ART4: variants seen among roughly 807,000 people sequenced by gnomAD.
ART4 encodes the protein ecto-ADP-ribosyltransferase 4.
A neutral mutation model predicts 24.2 loss-of-function variants in ART4; 14 were observed. That is an observed-to-expected ratio of 0.58 (90% CI 0.38 to 0.90). The LOEUF (loss-of-function observed/expected upper bound fraction) is 0.90, where lower values mean the gene tolerates loss of function less well. ART4 is among the 40% of genes least tolerant of loss of function. The pLI is 0.00. For missense variants in ART4, 356 were observed against 366.6 expected (o/e 0.97, Z 0.24); for synonymous variants, 145 against 139.9 (o/e 1.04, Z -0.26).
chr12:14,830,364 T>TTTCA (rs1443595809), intron 2 of ART4, among the ~76,000 whole-genome samples: 1 of 151,698 alleles, frequency 6.6e-6, no homozygotes, highest in Non-Finnish European at 1.5e-5. Flanking sequence ...TGCAGCCAGT[T>TTTCA]TTCACTATTG....
At chr12:14,829,896 C>T (rs1950382686) in intron 2 of ART4, among the ~76,000 whole-genome samples, 3 of 152,132 alleles carry the variant, frequency 2.0e-5, no homozygotes, top group Non-Finnish European at 4.4e-5. Flanking sequence ...GATTTTTATT[C>T]TCAATATCCT....
At position 14,829,351 on chromosome 12, in the gene ART4, A is replaced by G; in HGVS notation, c.*20T>C. 6.8e-7 allele frequency: 1 copy of G among 1,473,664 alleles called. No homozygotes were observed. The highest frequency in any genetic ancestry group is 9.1e-7 in the Non-Finnish European group (1 of 1,099,804). 91.3% of individuals were successfully genotyped at this position (1,473,664 alleles called of 1,614,324 possible). The stretch of plus-strand genomic sequence containing the variant: ...TTTATTTAAATATTTTTTTTAAATA[A>G]AAGGAGCCACAAGATTTCTTTATAC... On this transcript the variant is annotated 3_prime_UTR_variant, in exon 3 of 3. Transcript: ENST00000228936.
At chr12:14,841,203 A>G (rs757382784) in intron 1 of ART4, 50 bp from the exon 2 acceptor site, 2 of 1,515,678 alleles carry the variant, frequency 1.3e-6, no homozygotes, top group Non-Finnish European at 1.8e-6. Flanking sequence ...CAGATGGTGA[A>G]TGTGGTTGCA....
intron 2 of ART4, among the ~76,000 whole-genome samples, chr12:14,830,491 C>G (rs1223889271): frequency 6.9e-6 from 1 of 145,728 alleles, no homozygotes; most frequent in Non-Finnish European, 1.5e-5. Context: ...CTACTATTTT[C>G]ACACAATATA....
intron 2 of ART4, among the ~76,000 whole-genome samples, chr12:14,830,689 A>ATATG (rs1555088844): frequency 1.7e-5 from 2 of 115,230 alleles, no homozygotes; most frequent in Non-Finnish European, 3.6e-5. Context: ...ATATATATAT[A>ATATG]TATATATATA....
Position 14,841,083 on chromosome 12 carries a change from T to G in ART4, c.215A>C (p.Gln72Pro). 1 of 1,614,204 alleles carries G rather than the reference T, an allele frequency of 6.2e-7. No individual in the cohort carries two copies. Among genetic ancestry groups the G allele is most frequent in the Non-Finnish European group, 8.5e-7 (1 of 1,180,012 alleles). Reference sequence around the variant, plus strand: ...CCCTTGAGTTAGTTTCTCCATAACCTGTTTGCTACAGCCTTGGTACTGATC... The same window carrying G: ...CCCTTGAGTTAGTTTCTCCATAACCGGTTTGCTACAGCCTTGGTACTGATC... ...FDDQYQGCSKQVMEKLTQGDY... is the reference protein window; with the variant it reads ...FDDQYQGCSKPVMEKLTQGDY... Residue 72 changes from glutamine (Q) to proline (P), a missense_variant, in exon 2 of 3, where the codon CAG becomes CCG. Transcript: ENST00000228936.
chr12:14,829,423 G>A lies in ART4; in HGVS notation c.893C>T (p.Ala298Val), dbSNP rs775948931. 6.2e-7 allele frequency: 1 copy of A among 1,609,870 alleles called. No homozygotes were observed. Among genetic ancestry groups the A allele is most frequent in the Non-Finnish European group, 8.5e-7 (1 of 1,178,548 alleles). ...KKCIPDPIAI[A>V]SLSFLTSVII... is the part of the protein sequence containing the mutation. ...GACACTGGTCAAAAAGGAGAGAGAT[G>A]CAATAGCTATAGGATCAGGGATGCA... Residue 298 changes from alanine (A) to valine (V), a missense_variant, in exon 3 of 3, where the codon GCA (alanine) becomes GTA (valine). Physicochemically the swap from Ala to Val is moderately conservative, Grantham distance 64. Transcript: ENST00000228936.
At position 14,825,730 on chromosome 12, in the gene ART4, T is replaced by C. The variant is rs1450455110; in HGVS notation, c.*3641A>G. On this transcript the variant is annotated 3_prime_UTR_variant, in exon 3 of 3. Transcript: ENST00000228936. The stretch of plus-strand genomic sequence containing the variant: ...AGACAACTCAGTACAAGAATCCTGA[T>C]TCTTCTAGCAAAACAAACTTTACTG... 1 of 152,216 alleles carries C rather than the reference T, an allele frequency of 6.6e-6. No individual in the cohort carries two copies. Among genetic ancestry groups the C allele is most frequent in the African/African-American group, 2.4e-5 (1 of 41,450 alleles). 9.4% of individuals were successfully genotyped at this position (152,216 alleles called of 1,614,324 possible).
At position 14,841,155 on chromosome 12, in the gene ART4, T is replaced by C. The variant is rs587777831; in HGVS notation, c.145-2A>G. ...GTCGAAGTCGATTTTAATTGCAACC[T>C]GTAAAAAAAGAAAAATCTTGAGTTT... On this transcript the variant is annotated splice_acceptor_variant, in intron 1 of 2. Coordinates refer to ENST00000228936, the MANE Select transcript of ART4 (RefSeq NM_021071.4). LOFTEE classifies it high-confidence loss of function. 3 of 1,566,934 alleles carry C rather than the reference T, an allele frequency of 1.9e-6. No individual in the cohort carries two copies. The highest frequency in any genetic ancestry group is 2.2e-5 in the East Asian group (1 of 44,582).
Position 14,843,361 on chromosome 12 carries a change from A to G in ART4, c.-248T>C. 2.6e-6 allele frequency: 1 copy of G among 385,254 alleles called. No individual in the cohort carries two copies. The allele number at this position is 385,254 out of a possible 1,614,324, so 23.9% of individuals were successfully genotyped here. On this transcript the variant is annotated 5_prime_UTR_variant, in exon 1 of 3. Coordinates refer to ENST00000228936, the MANE Select transcript of ART4 (RefSeq NM_021071.4). ...TGCGCACACCAAATAAGGGTTTCTA[A>G]AGAGAACCCAAGTTACTTTTCAATT...
intron 2 of ART4, among the ~76,000 whole-genome samples, chr12:14,838,998 T>C (rs1204603370): frequency 6.6e-6 from 1 of 151,590 alleles, no homozygotes; most frequent in African/African-American, 2.4e-5. Context: ...CAATCAGCCA[T>C]GTTTTTCTTA....
intron 2 of ART4, among the ~76,000 whole-genome samples, chr12:14,839,348 G>C (rs778030279): frequency 9.2e-5 from 14 of 152,118 alleles, no homozygotes; most frequent in Non-Finnish European, 1.6e-4. Context: ...TGAAATCCTT[G>C]TGATTAACAT....
intron 2 of ART4, among the ~76,000 whole-genome samples, chr12:14,830,654 T>C: frequency 5.3e-5 from 1 of 19,018 alleles, no homozygotes; most frequent in East Asian, 1.1e-3. Context: ...TGTATGTATA[T>C]ATATATATAT....
chr12:14,833,741 A>G (rs564678032), intron 2 of ART4, among the ~76,000 whole-genome samples: 3 of 152,312 alleles, frequency 2.0e-5, no homozygotes, highest in South Asian at 4.1e-4. Flanking sequence ...TCAGAAGTAA[A>G]TAGTCCTTAA....
chr12:14,842,822 C>T, intron 1 of ART4, 148 bp downstream of exon 1: 1 of 1,011,306 alleles, frequency 9.9e-7, no homozygotes, highest in South Asian at 2.0e-5. Flanking sequence ...CTGTTTTCAA[C>T]ACTCTTTACT....
intron 2 of ART4, among the ~76,000 whole-genome samples, chr12:14,835,089 G>C (rs1385227360): frequency 1.3e-5 from 2 of 152,200 alleles, no homozygotes; most frequent in Non-Finnish European, 2.9e-5. Context: ...TATCACGTCT[G>C]TCAGATTGAG....
At position 14,829,435 on chromosome 12, in the gene ART4, G is replaced by A. The variant is rs1950379534; in HGVS notation, c.881C>T (p.Pro294Leu). The A allele has an allele frequency of 1.9e-6, 3 of 1,608,608 alleles. No homozygotes were observed. Among genetic ancestry groups the A allele is most frequent in the Admixed American group, 1.7e-5 (1 of 58,640 alleles). The change falls in exon 3 of 3, where the codon CCT (proline) becomes CTT (leucine). Residue 294 changes from proline to leucine, a missense_variant. Transcript: ENST00000228936. ...AAAGGAGAGAGATGCAATAGCTATA[G>A]GATCAGGGATGCATTTCTTGCTGGA... ...KASSKKCIPD[P>L]IAIASLSFLT...
At chr12:14,841,326 G>T in intron 1 of ART4, 173 bp from the exon 2 acceptor site, 1 of 559,780 alleles carries the variant, frequency 1.8e-6, no homozygotes, top group South Asian at 3.3e-5. Flanking sequence ...AATGACCTGT[G>T]CTAGAGATTG....
rs1950374890 is a variant in ART4 at position 14,828,796 on chromosome 12, C to G, written c.*575G>C. 6.6e-6 allele frequency: 1 copy of G among 152,224 alleles called. No individual in the cohort carries two copies. Among genetic ancestry groups the G allele is most frequent in the Non-Finnish European group, 1.5e-5 (1 of 68,072 alleles). The allele number at this position is 152,224 out of a possible 1,614,324, so 9.4% of individuals were successfully genotyped here. ...TTGGATCCAGAGGCTTATACATTCT[C>G]ATCAGGTCTCAGTTTCTTTTCACTT... On this transcript the variant is annotated 3_prime_UTR_variant, in exon 3 of 3. Transcript: ENST00000228936.
Sources: allele counts gnomAD v4.1 joint callset (sites outside exome capture counted in the v4.1 genomes callset), GRCh38; gene constraint gnomAD v4.1.1; transcripts MANE v1.5; gene names NCBI Gene and HGNC (gene_info 2026-07-23, HGNC 2026-07-21).